The following ANO3 variants were observed in gnomAD, a reference collection of about 807,000 sequenced individuals.
ANO3 encodes anoctamin-3.
ANO3 carries 99 observed loss-of-function variants against 144.8 expected under a neutral mutation model. The ratio of observed to expected loss-of-function variants is 0.68; its 90% CI spans 0.58 to 0.81. ANO3 has a LOEUF of 0.81. Ranked by LOEUF, ANO3 falls within the 30% of genes least tolerant of loss-of-function variation. The probability of loss-of-function intolerance (pLI) is 0.00; values close to 1 mark genes in which losing one functional copy is unlikely to be tolerated. For synonymous variants in ANO3, 414 were observed against 392.6 expected, an observed-to-expected ratio of 1.05 and a Z score of -0.64; for missense variants, 905 against 1,202.2, an observed-to-expected ratio of 0.75 and a Z score of 3.66.
At chr11:26,635,174 G>T (rs1013353667) in intron 20 of ANO3, 104 bp downstream of exon 20, 4 of 963,966 alleles carry the variant, frequency 4.1e-6, no homozygotes, top group Non-Finnish European at 6.4e-6. Flanking sequence ...GAACTTTATG[G>T]ATATTGAAGA....
intron 5 of ANO3, among the ~76,000 whole-genome samples, chr11:26,514,089 T>TC: frequency 6.6e-6 from 1 of 152,186 alleles, no homozygotes; most frequent in East Asian, 1.9e-4. Flanking sequence ...GAAAGAGTTT[T>TC]TTTTTTTTAA....
chr11:26,512,158 G>A (rs956230824), intron 5 of ANO3, among the ~76,000 whole-genome samples: 2 of 152,174 alleles, frequency 1.3e-5, no homozygotes, highest in African/African-American at 4.8e-5. Flanking sequence ...TCAGCAATTT[G>A]TGTTTCTCTT....
intron 1 of ANO3, among the ~76,000 whole-genome samples, chr11:26,242,137 A>T (rs1480316482): frequency 6.6e-6 from 1 of 152,234 alleles, no homozygotes; most frequent in Non-Finnish European, 1.5e-5. Context: ...TGTTGAAAAC[A>T]TTTCATTGCC....
chr11:26,475,651 A>G (rs1859936488), intron 4 of ANO3, among the ~76,000 whole-genome samples: 1 of 152,106 alleles, frequency 6.6e-6, no homozygotes, highest in African/African-American at 2.4e-5. Context: ...AAACTTTTCA[A>G]AAGTATGTGC....
chr11:26,601,204 A>T (rs1253370069), intron 17 of ANO3, among the ~76,000 whole-genome samples: 1 of 152,224 alleles, frequency 6.6e-6, no homozygotes, highest in Admixed American at 6.5e-5. Flanking sequence ...TGAGCCATAC[A>T]TAAGTAATAA....
intron 1 of ANO3, among the ~76,000 whole-genome samples, chr11:26,390,551 A>C (rs147383220): frequency 6.6e-6 from 1 of 152,274 alleles, no homozygotes; most frequent in East Asian, 1.9e-4. Context: ...AGAACACTAG[A>C]GCATCAGAGT....
At chr11:26,297,250 T>C (rs920023752) in intron 1 of ANO3, among the ~76,000 whole-genome samples, 11 of 151,906 alleles carry the variant, frequency 7.2e-5, no homozygotes, top group African/African-American at 2.2e-4. Context: ...TGTTTCTTTT[T>C]TTTATCCCTT....
chr11:26,642,842 T>G (rs1480299972), intron 22 of ANO3, among the ~76,000 whole-genome samples: 1 of 152,080 alleles, frequency 6.6e-6, no homozygotes, highest in Non-Finnish European at 1.5e-5. Flanking sequence ...TTATTCTTTC[T>G]TCTTCCTCCT....
At chr11:26,471,881 CAT>C (rs1489981871) in intron 4 of ANO3, among the ~76,000 whole-genome samples, 1 of 151,950 alleles carries the variant, frequency 6.6e-6, no homozygotes, top group Non-Finnish European at 1.5e-5. Flanking sequence ...TAATTAAACA[CAT>C]AGAGGTTTCT....
chr11:26,378,292 C>G (rs986341899), intron 1 of ANO3, among the ~76,000 whole-genome samples: 2 of 149,578 alleles, frequency 1.3e-5, no homozygotes, highest in African/African-American at 2.4e-5. Flanking sequence ...TTTAGACTCT[C>G]ATGAGGTATA....
At chr11:26,553,185 G>A in intron 12 of ANO3, 64 bp from the exon 13 acceptor site, 1 of 1,216,392 alleles carries the variant, frequency 8.2e-7, no homozygotes, top group Non-Finnish European at 1.2e-6. Flanking sequence ...TAGGGGCTAA[G>A]TGAATTCTTA....
rs759265373 is a variant in ANO3, at chr11:26,508,229, C to A, written c.558C>A (p.Asn186Lys). The A allele has an allele frequency of 1.3e-5, 21 of 1,600,222 alleles. No individual in the cohort carries two copies. The highest frequency in any genetic ancestry group is 1.8e-5 in the Non-Finnish European group (21 of 1,175,832). Residue 186 changes from asparagine (N) to lysine (K), a missense_variant, in exon 5 of 27, where the codon AAC (asparagine) becomes AAA (lysine). Asn to Lys is a moderately conservative substitution (Grantham distance 94). This residue lies in a region of ANO3 where 63 missense variants were observed against 107.3 expected (regional missense o/e 0.59). Coordinates refer to ENST00000256737, the MANE Select transcript of ANO3 (RefSeq NM_031418.4). ...QYDKRNTFEKNLRAEGLMLEK... is the reference protein window; with the variant it reads ...QYDKRNTFEKKLRAEGLMLEK... The stretch of plus-strand genomic sequence containing the variant: ...ATAAAAGAAACACATTTGAAAAGAA[C>A]CTCAGAGCAGAAGGCTTGATGTTGG...
chr11:26,232,568 C>G (rs907048557), intron 1 of ANO3, among the ~76,000 whole-genome samples: 2 of 152,112 alleles, frequency 1.3e-5, no homozygotes, highest in African/African-American at 2.4e-5. Flanking sequence ...GCAGGGAAAA[C>G]TGGCTATCCA....
At chr11:26,590,326 T>C (rs1851408125) in intron 14 of ANO3, among the ~76,000 whole-genome samples, 1 of 152,248 alleles carries the variant, frequency 6.6e-6, no homozygotes, top group African/African-American at 2.4e-5. Context: ...ACTTATATGA[T>C]GTGATATTTA....
chr11:26,488,007 A>T (rs929080548), intron 4 of ANO3, among the ~76,000 whole-genome samples: 7 of 152,054 alleles, frequency 4.6e-5, no homozygotes, highest in Non-Finnish European at 8.8e-5. Context: ...CTCTACTAAA[A>T]ATACAAAAAT....
chr11:26,514,414 A>C (rs1415704922), intron 5 of ANO3, among the ~76,000 whole-genome samples: 1 of 152,132 alleles, frequency 6.6e-6, no homozygotes, highest in Non-Finnish European at 1.5e-5. Context: ...TGAGGTGACC[A>C]ATCTTTTATA....
At chr11:26,465,879 G>A (rs1299402539) in intron 4 of ANO3, among the ~76,000 whole-genome samples, 1 of 151,864 alleles carries the variant, frequency 6.6e-6, no homozygotes, top group Non-Finnish European at 1.5e-5. Context: ...TAATAATTTT[G>A]TAAGCTAATG....
At chr11:26,278,683 A>G (rs2133842416) in intron 1 of ANO3, among the ~76,000 whole-genome samples, 2 of 152,244 alleles carry the variant, frequency 1.3e-5, no homozygotes, top group Non-Finnish European at 2.9e-5. Context: ...TAAAACTTCA[A>G]ATACAAACAG....
At chr11:26,557,481 G>C (rs1432125400) in intron 13 of ANO3, among the ~76,000 whole-genome samples, 3 of 148,708 alleles carry the variant, frequency 2.0e-5, no homozygotes, top group Non-Finnish European at 3.0e-5. Context: ...AAAAAAAGTT[G>C]AACAAAATGC....
Sources: gnomAD v4.1 joint callset for allele counts (sites outside exome capture counted in the v4.1 genomes callset) on GRCh38, gnomAD v4.1.1 for gene constraint, gnomAD v4.1.1 regional missense constraint, MANE v1.5 for transcripts, NCBI Gene and HGNC (gene_info 2026-07-23, HGNC 2026-07-21) for gene names.